The following PDE9A variants were observed in gnomAD, a reference collection of about 807,000 sequenced individuals.
PDE9A encodes the protein phosphodiesterase 9A, also known as high affinity cGMP-specific 3',5'-cyclic phosphodiesterase 9A.
PDE9A carries 60 observed loss-of-function variants against 87.4 expected under a neutral mutation model. That is an observed-to-expected ratio of 0.69 (90% CI 0.56 to 0.85). The LOEUF is 0.85. Ranked by LOEUF, PDE9A falls within the 40% of genes least tolerant of loss-of-function variation. The pLI, the probability that PDE9A is intolerant of heterozygous loss-of-function variation, is 0.00. For missense variants in PDE9A, 665 were observed against 779.0 expected, an observed-to-expected ratio of 0.85 and a Z score of 1.74; for synonymous variants, 272 against 279.4, an observed-to-expected ratio of 0.97 and a Z score of 0.27.
intron 1 of PDE9A, among the ~76,000 whole-genome samples, chr21:42,682,920 A>G (rs1234383885): frequency 1.3e-5 from 2 of 152,238 alleles, no homozygotes; most frequent in East Asian, 3.8e-4. Context: ...TATTGCCACC[A>G]AAAGTAAAGC....
chr21:42,754,540 C>T (rs867371914), intron 10 of PDE9A, among the ~76,000 whole-genome samples: 1 of 152,244 alleles, frequency 6.6e-6, no homozygotes, highest in African/African-American at 2.4e-5. Flanking sequence ...TGTGGGATTC[C>T]GGGAACTGTG....
chr21:42,731,718 C>G, intron 4 of PDE9A, 52 bp from the exon 5 acceptor site: 1 of 1,557,376 alleles, frequency 6.4e-7, no homozygotes, highest in Non-Finnish European at 8.7e-7. Context: ...GACCTGGACA[C>G]TAAGAGGAAA....
At chr21:42,758,092 A>G (rs1189888373) in intron 10 of PDE9A, 1 of 152,294 alleles carries the variant, frequency 6.6e-6, no homozygotes, top group Non-Finnish European at 1.5e-5. Context: ...GACACCTACC[A>G]GGTGTGTCTA....
chr21:42,753,553 G>T (rs575446018), intron 9 of PDE9A, among the ~76,000 whole-genome samples: 2 of 152,090 alleles, frequency 1.3e-5, no homozygotes, highest in South Asian at 4.1e-4. Flanking sequence ...TGAGTCTGAC[G>T]CAGGTGCCTT....
chr21:42,687,811 C>T, intron 2 of PDE9A, 106 bp from the exon 3 acceptor site: 1 of 958,868 alleles, frequency 1.0e-6, no homozygotes, highest in Non-Finnish European at 1.7e-6. Context: ...CAGGCTGGTC[C>T]TGGGACTGTC....
intron 4 of PDE9A, among the ~76,000 whole-genome samples, chr21:42,711,804 A>G (rs2049368108): frequency 6.6e-6 from 1 of 152,064 alleles, no homozygotes; most frequent in Non-Finnish European, 1.5e-5. Flanking sequence ...TTACTGCACC[A>G]CTTGTTAAAA....
chr21:42,681,572 C>T (rs2059166554), intron 1 of PDE9A, among the ~76,000 whole-genome samples: 3 of 152,266 alleles, frequency 2.0e-5, no homozygotes, highest in South Asian at 2.1e-4. Flanking sequence ...GTGATGTTCC[C>T]GCTGACATTC....
rs559115736 is a variant in PDE9A, at chr21:42,692,579, C to T, written c.218+4585C>T. On this transcript the variant is annotated intron_variant, in intron 3 of 19. Coordinates refer to ENST00000291539, the MANE Select transcript of PDE9A (RefSeq NM_002606.3). This position sits in a 1 kb window ranked among gnomAD's most constrained non-coding sequence, Gnocchi z 4.3. ...GCTCCCCTCAGTCTCTGGTTTGTGACGGAGGTGGGCCCCGAGAATCTTTCT... is the reference window on the plus strand; with the variant it reads ...GCTCCCCTCAGTCTCTGGTTTGTGATGGAGGTGGGCCCCGAGAATCTTTCT... Among the ~76,000 whole-genome samples, 50 of 152,210 alleles carry T rather than the reference C, an allele frequency of 3.3e-4. No homozygotes were observed. The highest frequency in any genetic ancestry group is 5.0e-4 in the Non-Finnish European group (34 of 67,998).
chr21:42,720,350 C>T (rs564651953), intron 4 of PDE9A, among the ~76,000 whole-genome samples: 8 of 151,998 alleles, frequency 5.3e-5, no homozygotes, highest in East Asian at 1.9e-4. Context: ...AAAAATTAGC[C>T]GGGCATGGTC....
chr21:42,771,248 C>T (rs1021311859), intron 18 of PDE9A, among the ~76,000 whole-genome samples: 2 of 152,228 alleles, frequency 1.3e-5, no homozygotes, highest in South Asian at 4.1e-4. Flanking sequence ...CCTGCCAGCT[C>T]CCGGGCCCAG....
chr21:42,752,173 C>G (rs1245413681), intron 9 of PDE9A, among the ~76,000 whole-genome samples: 2 of 152,218 alleles, frequency 1.3e-5, no homozygotes, highest in African/African-American at 4.8e-5. Flanking sequence ...CCTTCCACAG[C>G]CTCCATGTAG....
intron 6 of PDE9A, 147 bp downstream of exon 6, chr21:42,732,271 C>T (rs2051878020): frequency 1.4e-6 from 1 of 701,246 alleles, no homozygotes; most frequent in Admixed American, 2.5e-5. Context: ...CGGTGGAAGC[C>T]TTCTGTGGCT....
Position 42,653,740 on chromosome 21 carries a change from C to G in PDE9A, c.-75C>G, listed in dbSNP as rs1275545752. 33 of 728,834 alleles carry G rather than the reference C, an allele frequency of 4.5e-5. No individual in the cohort carries two copies. Among genetic ancestry groups the G allele is most frequent in the African/African-American group, 5.8e-5 (3 of 51,364 alleles). The allele number at this position is 728,834 out of a possible 1,614,324, so 45.1% of individuals were successfully genotyped here. A position where few individuals can be genotyped will look rare whatever the true frequency, so the allele number is the denominator to read the frequency against. On this transcript the variant is annotated 5_prime_UTR_variant, in exon 1 of 20. Coordinates refer to ENST00000291539, the MANE Select transcript of PDE9A (RefSeq NM_002606.3). ...CCCCCGCCCGCCCCCTCCCCTGCTC[C>G]CCTCCCCCGCCTCCCGCGGCGGCTG...
chr21:42,699,222 T>C (rs754438990), intron 4 of PDE9A, among the ~76,000 whole-genome samples: 2 of 152,268 alleles, frequency 1.3e-5, no homozygotes, highest in Admixed American at 1.3e-4. Flanking sequence ...CTTGTACTAC[T>C]GTAAGGGCTC....
chr21:42,724,252 A>C (rs2050809980), intron 4 of PDE9A, among the ~76,000 whole-genome samples: 1 of 152,174 alleles, frequency 6.6e-6, no homozygotes. Flanking sequence ...GTCAGAGGAA[A>C]ACTGGGGCCC....
chr21:42,769,396 TGCACACACACG>T (rs1028368032), intron 17 of PDE9A, among the ~76,000 whole-genome samples: 2 of 102,064 alleles, frequency 2.0e-5, no homozygotes, highest in Non-Finnish European at 1.9e-5. Flanking sequence ...GGCACACAAA[TGCACACACACG>T]GCACACACAG....
Position 42,705,265 on chromosome 21 carries a change from G to A in PDE9A, c.262+6254G>A, listed in dbSNP as rs1033199107. Among the ~76,000 whole-genome samples the A allele has an allele frequency of 6.6e-6, 1 of 152,224 alleles. No homozygotes were observed. The highest frequency in any genetic ancestry group is 1.5e-5 in the Non-Finnish European group (1 of 68,044). ...AGGTAATAGCAACTACAAAAACCAC[G>A]ACACAGGCTTCTCAGCATCTTTTTA... On this transcript the variant is annotated intron_variant, in intron 4 of 19. Coordinates refer to ENST00000291539, the MANE Select transcript of PDE9A (RefSeq NM_002606.3). This position sits in a 1 kb window ranked among gnomAD's most constrained non-coding sequence, Gnocchi z 4.3.
chr21:42,703,313 G>A (rs2048529295), intron 4 of PDE9A, among the ~76,000 whole-genome samples: 1 of 152,224 alleles, frequency 6.6e-6, no homozygotes, highest in Admixed American at 6.5e-5. Context: ...GGGACTTGGT[G>A]AGGCCAGCAG....
At chr21:42,698,312 A>C (rs1468365141) in intron 3 of PDE9A, among the ~76,000 whole-genome samples, 1 of 152,026 alleles carries the variant, frequency 6.6e-6, no homozygotes, top group Non-Finnish European at 1.5e-5. Flanking sequence ...GGTTAGCCTC[A>C]CTTGTGTGGA....
Sources: allele counts gnomAD v4.1 joint callset (sites outside exome capture counted in the v4.1 genomes callset), GRCh38; gene constraint gnomAD v4.1.1; non-coding constraint Gnocchi (gnomAD v3.1); transcripts MANE v1.5; gene names NCBI Gene and HGNC (gene_info 2026-07-23, HGNC 2026-07-21).